Variants in TRAPPC9 observed in about 807,000 individuals in gnomAD.
The protein encoded by TRAPPC9 is trafficking protein particle complex subunit 9, also known as IKK2 binding protein.
In TRAPPC9, 83 loss-of-function variants were observed where a neutral mutation model predicts 124.0. The observed-to-expected ratio is 0.67, with a 90% confidence interval of 0.56 to 0.80. TRAPPC9 has a LOEUF of 0.80. Ranked by LOEUF, TRAPPC9 falls within the 30% of genes least tolerant of loss-of-function variation. The pLI is 0.00. For synonymous variants in TRAPPC9, 638 were observed against 617.5 expected (o/e 1.03, Z -0.49); for missense variants, 1,302 against 1,508.3 (o/e 0.86, Z 2.27).
At position 139,788,578 on chromosome 8, in the gene TRAPPC9, G is replaced by A. The variant is rs961267685; in HGVS notation, c.3056-56376C>T. 3.3e-5 allele frequency among the ~76,000 whole-genome samples: 5 copies of A among 152,160 alleles called. No individual in the cohort carries two copies. Among genetic ancestry groups the A allele is most frequent in the African/African-American group, 7.2e-5 (3 of 41,454 alleles). ...CCAGCAGACCCTGGCATGGAGGTCC[G>A]TGGCCACTCCACGACAGCCCATGAA... On this transcript the variant is annotated intron_variant, in intron 21 of 22. Transcript: ENST00000438773. The surrounding 1 kb of genome is among the most constrained non-coding windows in gnomAD (Gnocchi z 4.9).
At chr8:140,026,539 A>G (rs1294796512) in intron 17 of TRAPPC9, among the ~76,000 whole-genome samples, 1 of 152,218 alleles carries the variant, frequency 6.6e-6, no homozygotes, top group East Asian at 1.9e-4. Context: ...TAAGGGACAC[A>G]AAGGAATATC....
chr8:140,293,218 G>A (rs955958344), intron 11 of TRAPPC9, among the ~76,000 whole-genome samples: 3 of 149,646 alleles, frequency 2.0e-5, no homozygotes, highest in African/African-American at 7.6e-5. Context: ...GGAAACAACA[G>A]GTGCTGGAGA....
At chr8:140,085,921 C>G (rs932450322) in intron 17 of TRAPPC9, among the ~76,000 whole-genome samples, 1 of 152,154 alleles carries the variant, frequency 6.6e-6, no homozygotes, top group Admixed American at 6.5e-5. Flanking sequence ...TAGCTTCCCC[C>G]CACCCCACAC....
At chr8:140,161,212 G>A (rs1475824802) in intron 17 of TRAPPC9, among the ~76,000 whole-genome samples, 2 of 152,074 alleles carry the variant, frequency 1.3e-5, no homozygotes, top group African/African-American at 4.8e-5. Context: ...TGTGTTCCAG[G>A]TACCTCGCAT....
chr8:140,295,974 T>A (rs538329924), intron 11 of TRAPPC9, among the ~76,000 whole-genome samples: 1 of 152,286 alleles, frequency 6.6e-6, no homozygotes, highest in Non-Finnish European at 1.5e-5. Flanking sequence ...TCAGCCCAGA[T>A]GAGCAGGTAC....
At chr8:139,994,164 G>A (rs1440855903) in intron 18 of TRAPPC9, among the ~76,000 whole-genome samples, 4 of 152,368 alleles carry the variant, frequency 2.6e-5, no homozygotes, top group Admixed American at 2.6e-4. Context: ...AGTGCTTAGG[G>A]AAGGGATGCC....
At chr8:139,976,786 C>A (rs1008390496) in intron 19 of TRAPPC9, among the ~76,000 whole-genome samples, 2 of 152,192 alleles carry the variant, frequency 1.3e-5, no homozygotes, top group African/African-American at 4.8e-5. Flanking sequence ...TCGCCTTCTG[C>A]GGGGATACTG....
chr8:139,757,693 G>A (rs1275075973), intron 21 of TRAPPC9, among the ~76,000 whole-genome samples: 1 of 152,084 alleles, frequency 6.6e-6, no homozygotes, highest in Non-Finnish European at 1.5e-5. Flanking sequence ...ATTCACTTCT[G>A]ACGCCACTGG....
Position 139,966,739 on chromosome 8 carries a change from C to G in TRAPPC9, c.2810+21987G>C, listed in dbSNP as rs183469751. Among the ~76,000 whole-genome samples the G allele has an allele frequency of 2.6e-3, 401 of 152,132 alleles. 1 individual carries two copies. Among genetic ancestry groups the G allele is most frequent in the Admixed American group, 4.5e-3 (69 of 15,290 alleles). ...TGAGTCTAATAAGTGCTCAATAAACCCCAATGAAAAGAACAACAGCCTCAT... is the reference window on the plus strand; with the variant it reads ...TGAGTCTAATAAGTGCTCAATAAACGCCAATGAAAAGAACAACAGCCTCAT... On this transcript the variant is annotated intron_variant, in intron 19 of 22. Transcript: ENST00000438773.
At chr8:140,366,876 C>T (rs190054136) in intron 8 of TRAPPC9, among the ~76,000 whole-genome samples, 4 of 152,228 alleles carry the variant, frequency 2.6e-5, no homozygotes, top group Non-Finnish European at 4.4e-5. Context: ...TTAAAGTCAA[C>T]AGCAATGAAA....
At chr8:139,832,050 C>T (rs551298447) in intron 21 of TRAPPC9, among the ~76,000 whole-genome samples, 8 of 152,304 alleles carry the variant, frequency 5.3e-5, no homozygotes, top group Admixed American at 2.6e-4. Context: ...TAGCGAGCAC[C>T]TACCTTTCAT....
At chr8:140,455,127 T>C (rs932986980) in intron 1 of TRAPPC9, among the ~76,000 whole-genome samples, 4 of 152,156 alleles carry the variant, frequency 2.6e-5, no homozygotes, top group East Asian at 1.9e-4. Flanking sequence ...GGAATGTACA[T>C]AGCAGTATTA....
At chr8:140,126,673 C>G (rs1171094589) in intron 17 of TRAPPC9, among the ~76,000 whole-genome samples, 1 of 152,218 alleles carries the variant, frequency 6.6e-6, no homozygotes, top group Non-Finnish European at 1.5e-5. Flanking sequence ...TTAATTAGGA[C>G]AGTGTATTTA....
intron 21 of TRAPPC9, among the ~76,000 whole-genome samples, chr8:139,812,721 AC>A (rs1824528512): frequency 1.3e-5 from 2 of 152,294 alleles, no homozygotes; most frequent in South Asian, 4.2e-4. Flanking sequence ...TATTTTCTGC[AC>A]CCCCAAAAGA....
At chr8:140,458,158 T>A (rs1297559347), upstream of TRAPPC9, 1 of 1,163,482 alleles carries the variant, frequency 8.6e-7, no homozygotes. Flanking sequence ...AGGAGGGAGA[T>A]GGAGGGAGAT....
chr8:139,903,817 G>A (rs1048360249), intron 20 of TRAPPC9, among the ~76,000 whole-genome samples: 4 of 152,188 alleles, frequency 2.6e-5, no homozygotes, highest in Non-Finnish European at 5.9e-5. Flanking sequence ...GAAGTGGGCA[G>A]ATTACCCAAG....
At chr8:139,823,643 T>G (rs1050927660) in intron 21 of TRAPPC9, among the ~76,000 whole-genome samples, 1 of 152,010 alleles carries the variant, frequency 6.6e-6, no homozygotes, top group Non-Finnish European at 1.5e-5. Context: ...CTCTCCCAGG[T>G]GGAAACAGAG....
chr8:139,944,618 T>C (rs779998107), intron 19 of TRAPPC9, among the ~76,000 whole-genome samples: 38 of 152,182 alleles, frequency 2.5e-4, no homozygotes, highest in Non-Finnish European at 4.4e-4. Flanking sequence ...AATTCATATG[T>C]GAATATGTAA....
chr8:139,740,289 C>T (rs1436087828), intron 21 of TRAPPC9, among the ~76,000 whole-genome samples: 2 of 152,228 alleles, frequency 1.3e-5, no homozygotes, highest in African/African-American at 4.8e-5. Context: ...CCCAGAATTC[C>T]TCCTGAAGTC....
Sources: gnomAD v4.1 joint callset for allele counts (sites outside exome capture counted in the v4.1 genomes callset) on GRCh38, gnomAD v4.1.1 for gene constraint, Gnocchi (gnomAD v3.1) non-coding constraint, MANE v1.5 for transcripts, NCBI Gene and HGNC (gene_info 2026-07-23, HGNC 2026-07-21) for gene names.